ESRRB: variants seen among roughly 807,000 people sequenced by gnomAD.
ESRRB encodes estrogen related receptor beta.
A neutral mutation model predicts 46.0 loss-of-function variants in ESRRB; 16 were observed. The ratio of observed to expected loss-of-function variants is 0.35; its 90% CI spans 0.24 to 0.53. The LOEUF (loss-of-function observed/expected upper bound fraction) is 0.53. Ranked by LOEUF, ESRRB falls within the 20% of genes least tolerant of loss-of-function variation. The probability of loss-of-function intolerance (pLI) is 0.93; values close to 1 mark genes in which losing one functional copy is unlikely to be tolerated. For synonymous variants in ESRRB, 246 were observed against 259.6 expected, an observed-to-expected ratio of 0.95 and a Z score of 0.50; for missense variants, 488 against 607.4, an observed-to-expected ratio of 0.80 and a Z score of 2.07.
intron 1 of ESRRB, among the ~76,000 whole-genome samples, chr14:76,341,531 G>A (rs13379450): frequency 0.38 from 58,035 of 152,118 alleles, 11,111 homozygotes; most frequent in Admixed American, 0.49. Context: ...AAAGCCTTTA[G>A]TGCTCCTGGC....
chr14:76,485,626 TGAGAGAGAGAGAGAGAGAGA>T (rs151021182), intron 5 of ESRRB, among the ~76,000 whole-genome samples: 4 of 143,844 alleles, frequency 2.8e-5, no homozygotes, highest in Admixed American at 7.0e-5. Flanking sequence ...TCCCTATCCC[TGAGAGAGAGAGAGAGAGAGA>T]GAGAGAGAGA....
intron 1 of ESRRB, among the ~76,000 whole-genome samples, chr14:76,377,256 G>A (rs950998593): frequency 1.3e-5 from 2 of 152,234 alleles, no homozygotes; most frequent in African/African-American, 4.8e-5. Flanking sequence ...CCGGGGCAGC[G>A]CGCCAAGAGC....
chr14:76,405,569 C>G (rs992395871), intron 1 of ESRRB, among the ~76,000 whole-genome samples: 1 of 152,094 alleles, frequency 6.6e-6, no homozygotes, highest in East Asian at 1.9e-4. Context: ...TTCCAGGGGG[C>G]TTGTTGGTGA....
intron 2 of ESRRB, among the ~76,000 whole-genome samples, chr14:76,460,914 C>T (rs1269510742): frequency 1.3e-5 from 2 of 151,926 alleles, no homozygotes; most frequent in Non-Finnish European, 2.9e-5. Flanking sequence ...CCGTATTGGC[C>T]AGGCTGGTCT....
rs1489591990 is a variant in ESRRB, at chr14:76,332,638, AT to A, written c.2+21725del. On this transcript the variant is annotated intron_variant, in intron 1 of 6. Coordinates refer to the ESRRB transcript ENST00000512784. ...TATTATATAAATATATATTATATAT[AT>A]TTATATATTATATAAATATATATTA... 6.6e-5 allele frequency among the ~76,000 whole-genome samples: 3 copies of A among 45,496 alleles called. 1 individual carries two copies. Among genetic ancestry groups the A allele is most frequent in the African/African-American group, 3.0e-4 (3 of 10,150 alleles). 29.8% of individuals were successfully genotyped at this position (45,496 alleles called of 152,430 possible).
At chr14:76,489,441 ACAAC>A (rs889094202) in intron 5 of ESRRB, among the ~76,000 whole-genome samples, 1 of 132,916 alleles carries the variant, frequency 7.5e-6, no homozygotes, top group Non-Finnish European at 1.6e-5. Context: ...GGGAATCTGG[ACAAC>A]CACACACACA....
chr14:76,450,992 T>A (rs1418497663), intron 2 of ESRRB, among the ~76,000 whole-genome samples: 1 of 152,198 alleles, frequency 6.6e-6, no homozygotes, highest in Non-Finnish European at 1.5e-5. Context: ...ACAGCCAGGA[T>A]GCCAGTCAGA....
chr14:76,312,378 C>A (rs1182575578), intron 1 of ESRRB, among the ~76,000 whole-genome samples: 1 of 151,920 alleles, frequency 6.6e-6, no homozygotes, highest in Non-Finnish European at 1.5e-5. Context: ...ATGTTTTCAG[C>A]TGTATTTTGT....
At position 76,380,236 on chromosome 14, in the gene ESRRB, T is replaced by G. The variant is rs144079267; in HGVS notation, c.50+3785T>G. Among the ~76,000 whole-genome samples, 261 of 152,284 alleles carry G rather than the reference T, an allele frequency of 1.7e-3. 1 individual carries two copies. The highest frequency in any genetic ancestry group is 6.1e-3 in the African/African-American group (255 of 41,554). On this transcript the variant is annotated intron_variant, in intron 1 of 6. Transcript: ENST00000644823. ...TTCTTTTGAGCAAAGATCTGCCTACTTCTGATGGGCCGGAGGAAGGATGCG... is the reference window on the plus strand; with the variant it reads ...TTCTTTTGAGCAAAGATCTGCCTACGTCTGATGGGCCGGAGGAAGGATGCG...
chr14:76,452,569 G>A (rs900246003), intron 2 of ESRRB, among the ~76,000 whole-genome samples: 1 of 149,698 alleles, frequency 6.7e-6, no homozygotes, highest in South Asian at 2.1e-4. Flanking sequence ...GTAGTGAGCC[G>A]AGATCAGGCC....
chr14:76,434,473 A>G (rs1211868871), intron 1 of ESRRB, among the ~76,000 whole-genome samples: 5 of 152,202 alleles, frequency 3.3e-5, no homozygotes, highest in African/African-American at 1.2e-4. Flanking sequence ...TAGCATAGCG[A>G]ACCCCTGTCT....
chr14:76,358,427 GA>G (rs1018640623), intron 1 of ESRRB, among the ~76,000 whole-genome samples: 1 of 150,058 alleles, frequency 6.7e-6, no homozygotes, highest in Non-Finnish European at 1.5e-5. Flanking sequence ...AAAAGAAAAA[GA>G]AAAAAATGGC....
At chr14:76,366,689 T>C (rs1884526016), upstream of ESRRB, among the ~76,000 whole-genome samples, 1 of 152,160 alleles carries the variant, frequency 6.6e-6, no homozygotes, top group Non-Finnish European at 1.5e-5. Context: ...GTACTTGGCC[T>C]CTCAGGTGTG....
chr14:76,485,895 G>T (rs1889999838), intron 5 of ESRRB, among the ~76,000 whole-genome samples: 1 of 152,296 alleles, frequency 6.6e-6, no homozygotes, highest in Middle Eastern at 3.4e-3. Flanking sequence ...TGCACATATT[G>T]AGAAGTCACT....
At chr14:76,462,733 C>T in intron 3 of ESRRB, 72 bp downstream of exon 3, 1 of 1,125,518 alleles carries the variant, frequency 8.9e-7, no homozygotes, top group Non-Finnish European at 1.4e-6. Flanking sequence ...CCCTGTGAGA[C>T]ACCCACAAGC....
intron 1 of ESRRB, among the ~76,000 whole-genome samples, chr14:76,357,334 A>G (rs1477613940): frequency 1.3e-5 from 2 of 152,222 alleles, no homozygotes; most frequent in African/African-American, 4.8e-5. Context: ...TGACTTAGTC[A>G]TTTCTCCTCG....
At chr14:76,348,478 CT>C (rs768281580) in intron 1 of ESRRB, among the ~76,000 whole-genome samples, 1 of 152,170 alleles carries the variant, frequency 6.6e-6, no homozygotes, top group Non-Finnish European at 1.5e-5. Flanking sequence ...TTTTTCTGGG[CT>C]GTCCTCCTGC....
At chr14:76,460,748 C>A (rs1888820257) in intron 2 of ESRRB, among the ~76,000 whole-genome samples, 1 of 140,622 alleles carries the variant, frequency 7.1e-6, no homozygotes, top group African/African-American at 2.8e-5. Context: ...GTCACCCAGG[C>A]TGGAGTGCAA....
upstream of ESRRB, among the ~76,000 whole-genome samples, chr14:76,372,152 C>T (rs1884640386): frequency 6.6e-6 from 1 of 151,884 alleles, no homozygotes; most frequent in South Asian, 2.1e-4. Flanking sequence ...ACCCTGAGGA[C>T]TTAGGCAGGC....
Sources: allele counts gnomAD v4.1 joint callset (sites outside exome capture counted in the v4.1 genomes callset), GRCh38; gene constraint gnomAD v4.1.1; transcripts MANE v1.5; gene names NCBI Gene and HGNC (gene_info 2026-07-23, HGNC 2026-07-21).